AGBL1: variants seen among roughly 807,000 people sequenced by gnomAD.
AGBL1 encodes cytosolic carboxypeptidase 4.
In AGBL1, 130 loss-of-function variants were observed where a neutral mutation model predicts 118.9. That is an observed-to-expected ratio of 1.09 (90% confidence interval 0.95 to 1.26). The LOEUF (loss-of-function observed/expected upper bound fraction) is 1.26. Ranked by LOEUF, AGBL1 falls within the 50% of genes most tolerant of loss-of-function variation. The pLI is 0.00. For missense variants in AGBL1, 1,584 were observed against 1,298.1 expected, an observed-to-expected ratio of 1.22 and a Z score of -3.38; for synonymous variants, 555 against 478.9, an observed-to-expected ratio of 1.16 and a Z score of -2.08.
chr15:86,778,227 A>C (rs1356172491), intron 22 of AGBL1, among the ~76,000 whole-genome samples: 1 of 152,148 alleles, frequency 6.6e-6, no homozygotes, highest in African/African-American at 2.4e-5. Context: ...GAATATCACA[A>C]GGCAAATGGA....
intron 22 of AGBL1, among the ~76,000 whole-genome samples, chr15:86,848,831 G>A (rs919411283): frequency 6.6e-6 from 1 of 152,114 alleles, no homozygotes; most frequent in Non-Finnish European, 1.5e-5. Flanking sequence ...ATACATAGGG[G>A]AAAAGGAGAT....
At chr15:86,916,706 G>A (rs756384608), downstream of AGBL1, among the ~76,000 whole-genome samples, 14 of 152,156 alleles carry the variant, frequency 9.2e-5, no homozygotes, top group Non-Finnish European at 1.8e-4. Context: ...TGGACCACAC[G>A]AAATCTAACC....
chr15:86,630,894 G>C (rs1317227602), intron 21 of AGBL1, among the ~76,000 whole-genome samples: 2 of 152,224 alleles, frequency 1.3e-5, no homozygotes, highest in Non-Finnish European at 2.9e-5. Context: ...CGCACCAACA[G>C]ATAACATGAG....
intron 24 of AGBL1, among the ~76,000 whole-genome samples, chr15:87,027,442 A>T (rs555222914): frequency 7.0e-5 from 10 of 143,712 alleles, no homozygotes; most frequent in African/African-American, 2.4e-4. Context: ...AATATAAATA[A>T]TTCTATTATA....
At chr15:86,240,540 C>T (rs151333617) in intron 6 of AGBL1, among the ~76,000 whole-genome samples, 3 of 152,144 alleles carry the variant, frequency 2.0e-5, no homozygotes, top group African/African-American at 4.8e-5. Flanking sequence ...AATGTGGAGT[C>T]CTATTTGGGA....
At chr15:86,132,375 C>T (rs1446824165) in intron 1 of AGBL1, among the ~76,000 whole-genome samples, 1 of 152,148 alleles carries the variant, frequency 6.6e-6, no homozygotes, top group Admixed American at 6.5e-5. Flanking sequence ...TAGCAAGTGG[C>T]AGCTGCTGGT....
intron 22 of AGBL1, among the ~76,000 whole-genome samples, chr15:86,896,245 G>A (rs374738327): frequency 9.2e-5 from 14 of 151,570 alleles, no homozygotes; most frequent in East Asian, 1.9e-4. Context: ...TTTCAAGTTC[G>A]TGAGTGTCTG....
intron 22 of AGBL1, among the ~76,000 whole-genome samples, chr15:86,881,574 C>G (rs1472958465): frequency 6.6e-6 from 1 of 152,172 alleles, no homozygotes; most frequent in Non-Finnish European, 1.5e-5. Context: ...CTGTCTTGTA[C>G]TGGTATAAAG....
intron 18 of AGBL1, among the ~76,000 whole-genome samples, chr15:86,471,772 T>G (rs1178173182): frequency 6.6e-6 from 1 of 152,192 alleles, no homozygotes; most frequent in Non-Finnish European, 1.5e-5. Flanking sequence ...TTTTTAAAAC[T>G]GAGGGTCATT....
intron 17 of AGBL1, among the ~76,000 whole-genome samples, chr15:86,329,062 G>A (rs188310712): frequency 2.8e-3 from 428 of 152,260 alleles, no homozygotes; most frequent in Non-Finnish European, 4.4e-3. Context: ...TTGCAGGCCT[G>A]GGGTGGAAGG....
At chr15:86,987,619 T>C (rs1420219284) in intron 23 of AGBL1, among the ~76,000 whole-genome samples, 2 of 152,192 alleles carry the variant, frequency 1.3e-5, no homozygotes, top group African/African-American at 2.4e-5. Context: ...TTGTTAATAG[T>C]TTCTATCATT....
At chr15:86,731,922 C>T (rs1307570231) in intron 22 of AGBL1, among the ~76,000 whole-genome samples, 1 of 152,184 alleles carries the variant, frequency 6.6e-6, no homozygotes, top group East Asian at 1.9e-4. Flanking sequence ...CTTTAAGGAC[C>T]ATCTTCTTCT....
chr15:86,425,910 G>A (rs1376322526), intron 18 of AGBL1, among the ~76,000 whole-genome samples: 3 of 151,918 alleles, frequency 2.0e-5, no homozygotes, highest in South Asian at 2.1e-4. Context: ...ATCTTTGTCC[G>A]TCTATGGATG....
At chr15:86,260,357 T>G (rs2078963964) in intron 9 of AGBL1, among the ~76,000 whole-genome samples, 1 of 152,172 alleles carries the variant, frequency 6.6e-6, no homozygotes, top group Admixed American at 6.5e-5. Context: ...GGATCTTTTA[T>G]CCATAAAGGG....
chr15:86,113,180 A>C (rs1336150878), intron 1 of AGBL1, among the ~76,000 whole-genome samples: 2 of 144,732 alleles, frequency 1.4e-5, no homozygotes, highest in Admixed American at 1.4e-4. Flanking sequence ...GTTTCTGTTC[A>C]GTACCGTTCA....
chr15:86,711,941 A>C (rs986334687), intron 22 of AGBL1, among the ~76,000 whole-genome samples: 2 of 152,226 alleles, frequency 1.3e-5, no homozygotes, highest in East Asian at 3.9e-4. Flanking sequence ...AGGTGCTTTC[A>C]TTTGCTCTCT....
At chr15:86,737,893 A>T (rs2077624176) in intron 22 of AGBL1, among the ~76,000 whole-genome samples, 1 of 151,034 alleles carries the variant, frequency 6.6e-6, no homozygotes, top group Non-Finnish European at 1.5e-5. Flanking sequence ...AAAATCCCCA[A>T]CAAAATGCTA....
In AGBL1 at chr15:86,476,051, G is replaced by A. The variant is rs551507411; in HGVS notation, c.2556-46759G>A. On this transcript the variant is annotated intron_variant, in intron 18 of 22. Transcript: ENST00000614907. ...ATGCTGAGAGATTTTGTCACCACCA[G>A]GCCTGCCTTACAAGAGCTCCTGAAG... Among the ~76,000 whole-genome samples, 678 of 152,232 alleles carry A rather than the reference G, an allele frequency of 4.5e-3. 5 individuals carry two copies. Among genetic ancestry groups the A allele is most frequent in the African/African-American group, 0.016 (645 of 41,532 alleles).
In AGBL1 at chr15:86,376,939, C is replaced by T. The variant is rs147716476; in HGVS notation, c.2375-20427C>T. Among the ~76,000 whole-genome samples, 672 of 152,320 alleles carry T rather than the reference C, an allele frequency of 4.4e-3. 3 individuals are homozygous for T. The highest frequency in any genetic ancestry group is 0.013 in the African/African-American group (560 of 41,570). On this transcript the variant is annotated intron_variant, in intron 17 of 22. Transcript: ENST00000614907. Reference sequence around the variant, plus strand: ...AAATTCCCCTTTTGTCCAAAATCACCTTGCAAATGGTGGCACAGGGCAAAA... The same window carrying T: ...AAATTCCCCTTTTGTCCAAAATCACTTTGCAAATGGTGGCACAGGGCAAAA...
Sources: gnomAD v4.1 joint callset for allele counts (sites outside exome capture counted in the v4.1 genomes callset) on GRCh38, gnomAD v4.1.1 for gene constraint, MANE v1.5 for transcripts, NCBI Gene and HGNC (gene_info 2026-07-23, HGNC 2026-07-21) for gene names.